BABAM2: variants seen among roughly 807,000 people sequenced by gnomAD.
The protein encoded by BABAM2 is BRISC and BRCA1-A complex member 2.
A neutral mutation model predicts 54.7 loss-of-function variants in BABAM2; 31 were observed. The observed-to-expected ratio is 0.57, with a 90% CI of 0.43 to 0.77. BABAM2 has a LOEUF of 0.77. Ranked by LOEUF, BABAM2 falls within the 30% of genes least tolerant of loss-of-function variation. BABAM2 has a pLI of 0.00. For missense variants in BABAM2, 364 were observed against 455.8 expected (o/e 0.80, Z 1.83); for synonymous variants, 167 against 162.9 (o/e 1.03, Z -0.19).
intron 6 of BABAM2, among the ~76,000 whole-genome samples, chr2:28,098,579 C>T (rs1351529310): frequency 6.6e-6 from 1 of 152,082 alleles, no homozygotes; most frequent in East Asian, 1.9e-4. Flanking sequence ...CCTATTCAGT[C>T]AAGTAGCTAC....
intron 7 of BABAM2, among the ~76,000 whole-genome samples, chr2:28,235,978 A>G (rs562953437): frequency 1.3e-5 from 2 of 152,276 alleles, no homozygotes; most frequent in East Asian, 1.9e-4. Context: ...CTCTTTAGAA[A>G]TGATTTTCTA....
chr2:28,039,134 G>A (rs1359057420), intron 5 of BABAM2, among the ~76,000 whole-genome samples: 1 of 152,140 alleles, frequency 6.6e-6, no homozygotes, highest in Non-Finnish European at 1.5e-5. Flanking sequence ...CTCACTAGAT[G>A]CCTAGCGGAG....
intron 8 of BABAM2, among the ~76,000 whole-genome samples, chr2:28,240,053 A>C (rs1203911355): frequency 6.6e-6 from 1 of 152,160 alleles, no homozygotes; most frequent in African/African-American, 2.4e-5. Context: ...GGAAAAAGAA[A>C]GAAAACAGAA....
At position 28,296,791 on chromosome 2, in the gene BABAM2, G is replaced by A. The variant is rs147129950; in HGVS notation, c.935-1547G>A. ...CAGCATCCGCCTCCCGGATTCAAGC[G>A]ATTCTTCTGCCTCAGACTCCCGGGT... On this transcript the variant is annotated intron_variant, in intron 10 of 11. Transcript: ENST00000379624. Among the ~76,000 whole-genome samples, 181 of 152,280 alleles carry A rather than the reference G, an allele frequency of 1.2e-3. 1 individual carries two copies. The highest frequency in any genetic ancestry group is 6.0e-3 in the East Asian group (31 of 5,184).
At chr2:28,171,721 T>C (rs1421211318) in intron 7 of BABAM2, among the ~76,000 whole-genome samples, 1 of 152,196 alleles carries the variant, frequency 6.6e-6, no homozygotes, top group Non-Finnish European at 1.5e-5. Context: ...TGGAGTACCT[T>C]CCAACTCTAT....
At chr2:28,199,828 A>G (rs1032023332) in intron 7 of BABAM2, among the ~76,000 whole-genome samples, 1 of 152,190 alleles carries the variant, frequency 6.6e-6, no homozygotes, top group Admixed American at 6.5e-5. Context: ...CAGGTATGGA[A>G]CGAAACATCC....
At chr2:28,108,386 A>G (rs181489115) in intron 6 of BABAM2, among the ~76,000 whole-genome samples, 5 of 152,348 alleles carry the variant, frequency 3.3e-5, no homozygotes, top group Non-Finnish European at 4.4e-5. Context: ...CAATACTTTC[A>G]TCATCATTTA....
At chr2:28,176,088 G>A (rs1674910860) in intron 7 of BABAM2, among the ~76,000 whole-genome samples, 1 of 152,194 alleles carries the variant, frequency 6.6e-6, no homozygotes, top group Non-Finnish European at 1.5e-5. Context: ...CTTCCCTTAT[G>A]AAAGTCAATC....
At chr2:27,973,397 A>T (rs1218210658) in intron 3 of BABAM2, among the ~76,000 whole-genome samples, 1 of 151,960 alleles carries the variant, frequency 6.6e-6, no homozygotes, top group Non-Finnish European at 1.5e-5. Flanking sequence ...CCCAGGTCAA[A>T]GACATAGAAA....
intron 6 of BABAM2, among the ~76,000 whole-genome samples, chr2:28,078,174 C>T (rs1664853823): frequency 6.6e-6 from 1 of 152,106 alleles, no homozygotes; most frequent in African/African-American, 2.4e-5. Flanking sequence ...AGCCACTTTG[C>T]TCTAGCTGTG....
At chr2:28,148,098 T>C (rs1182305496) in intron 7 of BABAM2, among the ~76,000 whole-genome samples, 2 of 152,222 alleles carry the variant, frequency 1.3e-5, no homozygotes, top group African/African-American at 4.8e-5. Context: ...ATGCCAGAAA[T>C]ACTTTACTCT....
intron 4 of BABAM2, among the ~76,000 whole-genome samples, chr2:28,011,532 G>T (rs1467611606): frequency 1.3e-5 from 2 of 152,168 alleles, no homozygotes; most frequent in South Asian, 4.1e-4. Flanking sequence ...GAGGAAGAGG[G>T]TCTGGCAAAT....
intron 7 of BABAM2, among the ~76,000 whole-genome samples, chr2:28,214,977 A>G (rs889954917): frequency 3.4e-4 from 52 of 152,156 alleles, no homozygotes; most frequent in African/African-American, 1.2e-3. Context: ...ATGAATTCAT[A>G]TTATTGTTAA....
At chr2:28,264,967 CA>C in intron 10 of BABAM2, among the ~76,000 whole-genome samples, 1 of 152,294 alleles carries the variant, frequency 6.6e-6, no homozygotes, top group South Asian at 2.1e-4. Flanking sequence ...TCATTTGAAA[CA>C]ACCCAGACTT....
At chr2:28,049,350 CT>C (rs1055445201) in intron 6 of BABAM2, among the ~76,000 whole-genome samples, 2 of 152,016 alleles carry the variant, frequency 1.3e-5, no homozygotes, top group African/African-American at 4.8e-5. Context: ...TCAACATTAA[CT>C]TTTTTTTGTT....
chr2:27,983,806 A>G (rs1672187175), intron 3 of BABAM2, among the ~76,000 whole-genome samples: 1 of 151,970 alleles, frequency 6.6e-6, no homozygotes, highest in South Asian at 2.1e-4. Context: ...TTTATCTTGT[A>G]TCTTGCAACC....
intron 7 of BABAM2, among the ~76,000 whole-genome samples, chr2:28,219,940 A>G (rs1263589235): frequency 6.6e-6 from 1 of 152,174 alleles, no homozygotes; most frequent in East Asian, 1.9e-4. Flanking sequence ...GTGAGAAAAA[A>G]TGATACTGGA....
chr2:28,157,138 A>G (rs1672618999), intron 7 of BABAM2, among the ~76,000 whole-genome samples: 1 of 152,216 alleles, frequency 6.6e-6, no homozygotes, highest in Admixed American at 6.5e-5. Flanking sequence ...CTGTGTCTCT[A>G]ATCTTGACTG....
intron 3 of BABAM2, among the ~76,000 whole-genome samples, chr2:27,985,352 A>C (rs1672327457): frequency 6.6e-6 from 1 of 152,070 alleles, no homozygotes; most frequent in African/African-American, 2.4e-5. Context: ...AGCAGTGTAA[A>C]AGTGTCCCCT....
Sources: gnomAD v4.1 joint callset for allele counts (sites outside exome capture counted in the v4.1 genomes callset) on GRCh38, gnomAD v4.1.1 for gene constraint, MANE v1.5 for transcripts, NCBI Gene and HGNC (gene_info 2026-07-23, HGNC 2026-07-21) for gene names.